The following DGKI variants were observed in gnomAD, a reference collection of about 807,000 sequenced individuals.
The protein encoded by DGKI is diacylglycerol kinase iota.
In DGKI, 55 loss-of-function variants were observed where a neutral mutation model predicts 147.5. The ratio of observed to expected loss-of-function variants is 0.37; its 90% CI spans 0.30 to 0.47. The LOEUF is 0.47. Ranked by LOEUF, DGKI falls within the 20% of genes least tolerant of loss-of-function variation. The pLI, the probability that DGKI is intolerant of heterozygous loss-of-function variation, is 1.00. For missense variants in DGKI, 1,007 were observed against 1,323.8 expected (o/e 0.76, Z 3.71); for synonymous variants, 469 against 477.1 (o/e 0.98, Z 0.22).
chr7:137,420,885 G>A (rs764677631), intron 28 of DGKI, among the ~76,000 whole-genome samples: 29 of 152,240 alleles, frequency 1.9e-4, no homozygotes, highest in South Asian at 1.0e-3. Context: ...TGGGCATGAC[G>A]GTGGAAGCCT....
intron 1 of DGKI, among the ~76,000 whole-genome samples, chr7:137,697,075 G>A (rs561825613): frequency 2.0e-5 from 3 of 152,208 alleles, no homozygotes; most frequent in Admixed American, 6.5e-5. Context: ...CAACCCTGCC[G>A]ACATTTTGAT....
At chr7:137,729,756 C>T (rs1794816248) in intron 1 of DGKI, among the ~76,000 whole-genome samples, 1 of 152,032 alleles carries the variant, frequency 6.6e-6, no homozygotes, top group Non-Finnish European at 1.5e-5. Context: ...AGGTCTGTAT[C>T]TTACTCTGTC....
chr7:137,477,381 G>C (rs1237161359), intron 23 of DGKI, among the ~76,000 whole-genome samples: 1 of 152,030 alleles, frequency 6.6e-6, no homozygotes, highest in Non-Finnish European at 1.5e-5. Context: ...CATGTTGCAT[G>C]GTTTTCATTT....
At chr7:137,752,168 T>C (rs1225466706) in intron 1 of DGKI, among the ~76,000 whole-genome samples, 2 of 151,930 alleles carry the variant, frequency 1.3e-5, no homozygotes, top group African/African-American at 4.8e-5. Flanking sequence ...TAATAAAAGT[T>C]GTGGGGGGAG....
intron 1 of DGKI, among the ~76,000 whole-genome samples, chr7:137,697,080 T>A (rs1303470660): frequency 6.6e-6 from 1 of 152,140 alleles, no homozygotes; most frequent in Non-Finnish European, 1.5e-5. Context: ...CTGCCGACAT[T>A]TTGATCATAG....
intron 21 of DGKI, among the ~76,000 whole-genome samples, chr7:137,498,981 G>C (rs1340068989): frequency 6.6e-6 from 1 of 152,140 alleles, no homozygotes; most frequent in East Asian, 1.9e-4. Flanking sequence ...AGTTCTCTTA[G>C]AATGAGTCCG....
rs887592743 is a variant in DGKI at position 137,846,045 on chromosome 7, G to C, written c.401+417C>G. Among the ~76,000 whole-genome samples, 2 of 152,106 alleles carry C rather than the reference G, an allele frequency of 1.3e-5. No homozygotes were observed. The highest frequency in any genetic ancestry group is 2.9e-5 in the Non-Finnish European group (2 of 68,018). ...TCTGGAAGGTGGGGGAAGGGTGGTT[G>C]AAGATGACACCTGCTTAGGGGCAAC... On this transcript the variant is annotated intron_variant, in intron 1 of 32. Coordinates refer to ENST00000614521, the MANE Select transcript of DGKI (RefSeq NM_001321708.2). This position sits in a 1 kb window ranked among gnomAD's most constrained non-coding sequence, Gnocchi z 4.0.
rs1193545932 is a variant in DGKI at position 137,656,520 on chromosome 7, C to T, written c.627G>A (p.Lys209=). 6 of 1,614,064 alleles carry T rather than the reference C, an allele frequency of 3.7e-6. No homozygotes were observed. Among genetic ancestry groups the T allele is most frequent in the Non-Finnish European group, 5.1e-6 (6 of 1,180,030 alleles). ...VRFAKSALRR[K]CAVCKIVVHT... is the part of the protein sequence containing the mutation. ...GGACGACGATTTTACAGACTGCACA[C>T]TTCCTCCTGAGAGCTGATTTCTACA... Residue 209 remains lysine (K), a synonymous_variant, in exon 4 of 33, where the codon AAG becomes AAA. Transcript: ENST00000614521.
intron 7 of DGKI, among the ~76,000 whole-genome samples, chr7:137,622,130 G>A (rs188667080): frequency 9.2e-5 from 14 of 152,038 alleles, no homozygotes; most frequent in African/African-American, 1.9e-4. Context: ...GTGATGCAGC[G>A]ACACTGAGCT....
At chr7:137,579,772 A>G (rs1310092628) in intron 15 of DGKI, among the ~76,000 whole-genome samples, 1 of 152,172 alleles carries the variant, frequency 6.6e-6, no homozygotes, top group Non-Finnish European at 1.5e-5. Flanking sequence ...ATCAAAACAC[A>G]ATAAGCCTTA....
In DGKI at chr7:137,685,952, T is replaced by C. The variant is rs1173016993; in HGVS notation, c.510+3942A>G. Among the ~76,000 whole-genome samples, 3 of 152,202 alleles carry C rather than the reference T, an allele frequency of 2.0e-5. No individual in the cohort carries two copies. The East Asian group carries it at 5.8e-4, about 30-fold the overall frequency. ...GAGTGCCTGTCAACTCCCAGCGAAA[T>C]ATCCCCTTCTCACTGATTGAGCAGA... is the stretch of plus-strand genomic sequence containing the variant. On this transcript the variant is annotated intron_variant, in intron 2 of 32. Coordinates refer to ENST00000614521, the MANE Select transcript of DGKI (RefSeq NM_001321708.2).
chr7:137,828,370 C>T (rs542863840), intron 1 of DGKI, among the ~76,000 whole-genome samples: 5 of 152,214 alleles, frequency 3.3e-5, no homozygotes, highest in African/African-American at 9.6e-5. Context: ...AAGTTTTTAT[C>T]GAGAGGATTC....
rs1400134649 is a variant in DGKI at position 137,485,381 on chromosome 7, T to A, written c.2366A>T (p.His789Leu). 1.2e-6 allele frequency: 2 copies of A among 1,608,552 alleles called. No homozygotes were observed. The highest frequency in any genetic ancestry group is 3.4e-5 in the Admixed American group (2 of 59,538). The change falls in exon 23 of 33, where the codon CAT (histidine) becomes CTT (leucine). Residue 789 changes from histidine to leucine, a missense_variant. Around this residue, in one of 5 missense-constraint regions of DGKI, gnomAD observed 385 missense variants for 445.2 expected, o/e 0.86. Coordinates refer to ENST00000614521, the MANE Select transcript of DGKI (RefSeq NM_001321708.2). The stretch of plus-strand genomic sequence containing the variant: ...GAGTCAATTATTTGTTACCTGGTAA[T>A]GAACTCTCTGGGAGCCAGAAGAAAC... ...QSVSSGSQRV[H>L]YQDHETSFPR...
At chr7:137,734,402 G>A (rs777444236) in intron 1 of DGKI, among the ~76,000 whole-genome samples, 14 of 151,948 alleles carry the variant, frequency 9.2e-5, no homozygotes, top group African/African-American at 2.7e-4. Flanking sequence ...ACAGATTTGC[G>A]GGTCAGGAAT....
At chr7:137,729,289 C>G (rs780250033) in intron 1 of DGKI, among the ~76,000 whole-genome samples, 1 of 152,046 alleles carries the variant, frequency 6.6e-6, no homozygotes, top group Non-Finnish European at 1.5e-5. Flanking sequence ...TTCTTTGCAC[C>G]ATGTGCAACT....
intron 28 of DGKI, among the ~76,000 whole-genome samples, chr7:137,426,241 T>C (rs1023506356): frequency 6.6e-6 from 1 of 152,174 alleles, no homozygotes; most frequent in Non-Finnish European, 1.5e-5. Flanking sequence ...TGGGGGCCGA[T>C]ATTCAACATT....
chr7:137,580,019 CA>C (rs1188176184), intron 15 of DGKI, among the ~76,000 whole-genome samples: 1 of 152,086 alleles, frequency 6.6e-6, no homozygotes, highest in African/African-American at 2.4e-5. Context: ...ATAGAAACTT[CA>C]TCATAGTTCA....
chr7:137,769,059 G>T (rs1796101206), intron 1 of DGKI, among the ~76,000 whole-genome samples: 1 of 152,120 alleles, frequency 6.6e-6, no homozygotes, highest in Non-Finnish European at 1.5e-5. Context: ...ATAGAAAGTG[G>T]GTCAGGAAAT....
intron 17 of DGKI, 27 bp from the exon 18 acceptor site, chr7:137,572,865 T>G: frequency 6.4e-7 from 1 of 1,556,312 alleles, no homozygotes; most frequent in Non-Finnish European, 8.8e-7. Context: ...AGAAAAGGGG[T>G]TTTGAAGTAG....
Sources: gnomAD v4.1 joint callset for allele counts (sites outside exome capture counted in the v4.1 genomes callset) on GRCh38, gnomAD v4.1.1 for gene constraint, gnomAD v4.1.1 regional missense constraint, Gnocchi (gnomAD v3.1) non-coding constraint, MANE v1.5 for transcripts, NCBI Gene and HGNC (gene_info 2026-07-23, HGNC 2026-07-21) for gene names.